CSMD1: variants seen among roughly 807,000 people sequenced by gnomAD.
CSMD1 encodes the protein CUB and sushi domain-containing protein 1.
CSMD1 carries 213 observed loss-of-function variants against 417.5 expected under a neutral mutation model. That is an observed-to-expected ratio of 0.51 (90% CI 0.46 to 0.57). CSMD1 has a LOEUF of 0.57. Ranked by LOEUF, CSMD1 falls within the 20% of genes least tolerant of loss-of-function variation. The probability of loss-of-function intolerance (pLI) is 0.00; values close to 1 mark genes in which losing one functional copy is unlikely to be tolerated. For missense variants in CSMD1, 6,923 were observed against 4,529.7 expected, an observed-to-expected ratio of 1.53 and a Z score of -15.17; for synonymous variants, 2,862 against 1,736.8, an observed-to-expected ratio of 1.65 and a Z score of -16.11.
intron 3 of CSMD1, among the ~76,000 whole-genome samples, chr8:4,369,913 T>C (rs1315847263): frequency 2.6e-5 from 4 of 152,190 alleles, no homozygotes; most frequent in African/African-American, 9.6e-5. Flanking sequence ...AAATGTATTT[T>C]ATGCATTTAA....
chr8:3,296,693 G>C (rs779405292), intron 25 of CSMD1, among the ~76,000 whole-genome samples: 2 of 152,280 alleles, frequency 1.3e-5, no homozygotes, highest in African/African-American at 2.4e-5. Flanking sequence ...TTTGAAGGGA[G>C]AGAAAACAGG....
intron 6 of CSMD1, among the ~76,000 whole-genome samples, chr8:3,736,106 T>G (rs1371162205): frequency 6.6e-6 from 1 of 152,224 alleles, no homozygotes; most frequent in African/African-American, 2.4e-5. Context: ...CACTGTTGTA[T>G]GCAGTTTACA....
chr8:3,574,860 G>T, intron 10 of CSMD1, 85 bp downstream of exon 10: 1 of 1,444,568 alleles, frequency 6.9e-7, no homozygotes, highest in Non-Finnish European at 9.4e-7. Context: ...AGCACGGATA[G>T]CATTTGCTGG....
rs76810235 is a variant in CSMD1 at position 4,383,103 on chromosome 8, T to C, written c.415+36850A>G. Among the ~76,000 whole-genome samples, 561 of 152,290 alleles carry C rather than the reference T, an allele frequency of 3.7e-3. 25 individuals are homozygous for C. In the East Asian group the frequency reaches 0.095, roughly 26 times the overall value. ...GATTAAGCAATGCTATCATCCTCTA[T>C]TATGGGCTTTCCTGTGTATTAAACT... is the stretch of plus-strand genomic sequence containing the variant. On this transcript the variant is annotated intron_variant, in intron 3 of 69. Coordinates refer to ENST00000635120, the MANE Select transcript of CSMD1 (RefSeq NM_033225.6).
chr8:4,484,622 A>G (rs1801272307), intron 2 of CSMD1, among the ~76,000 whole-genome samples: 1 of 152,006 alleles, frequency 6.6e-6, no homozygotes, highest in African/African-American at 2.4e-5. Context: ...CTGCTCTATG[A>G]GAGGGAAAGT....
At chr8:3,566,849 C>G (rs1375465521) in intron 10 of CSMD1, among the ~76,000 whole-genome samples, 1 of 152,106 alleles carries the variant, frequency 6.6e-6, no homozygotes, top group Non-Finnish European at 1.5e-5. Context: ...ACTAGGTTAA[C>G]CTTTGTGGAA....
intron 3 of CSMD1, among the ~76,000 whole-genome samples, chr8:4,151,379 G>A (rs575733627): frequency 6.6e-6 from 1 of 152,150 alleles, no homozygotes. Flanking sequence ...TCAGTTTCTA[G>A]ATCCTGCTGA....
chr8:2,947,589 T>C (rs574217151), intron 68 of CSMD1, among the ~76,000 whole-genome samples: 4 of 152,216 alleles, frequency 2.6e-5, no homozygotes, highest in Non-Finnish European at 4.4e-5. Flanking sequence ...AAACGTGTAA[T>C]AGCAAACTGA....
Position 3,998,058 on chromosome 8 carries a change from G to T in CSMD1, c.663C>A (p.Ser221Arg). The T allele has an allele frequency of 6.3e-7, 1 of 1,596,384 alleles. No individual in the cohort carries two copies. Among genetic ancestry groups the T allele is most frequent in the Non-Finnish European group, 8.5e-7 (1 of 1,170,818 alleles). Residue 221 changes from serine (S) to arginine (R), a missense_variant, in exon 5 of 70, where the codon AGC (serine) becomes AGA (arginine). Coordinates refer to ENST00000635120, the MANE Select transcript of CSMD1 (RefSeq NM_033225.6). ...TLRGTSSSIS[S>R]PHFPSEYENN... is the part of the protein sequence containing the mutation. ...TCTCGTACTCTGAAGGGAAGTGCGG[G>T]CTGGAGATGGAGCTGCTGGTCCCGC...
intron 23 of CSMD1, among the ~76,000 whole-genome samples, chr8:3,309,278 C>T (rs918075192): frequency 1.3e-5 from 2 of 151,748 alleles, no homozygotes; most frequent in Non-Finnish European, 2.9e-5. Flanking sequence ...CGCCCACCTT[C>T]CCGACAACTT....
intron 3 of CSMD1, among the ~76,000 whole-genome samples, chr8:4,036,088 G>A (rs927008285): frequency 6.6e-6 from 1 of 152,174 alleles, no homozygotes; most frequent in Non-Finnish European, 1.5e-5. Flanking sequence ...GCCACATGCT[G>A]TACAGGTTTG....
At chr8:4,806,803 A>C (rs941173707) in intron 1 of CSMD1, among the ~76,000 whole-genome samples, 3 of 152,128 alleles carry the variant, frequency 2.0e-5, no homozygotes, top group African/African-American at 7.2e-5. Context: ...TTAAATTCTC[A>C]TGCTATGAAT....
At chr8:3,666,494 G>C (rs17066869) in intron 7 of CSMD1, among the ~76,000 whole-genome samples, 4,819 of 152,232 alleles carry the variant, frequency 0.032, 133 homozygotes, top group African/African-American at 0.076. Context: ...ACAGGGCCAG[G>C]ATCTACACAT....
In CSMD1 at chr8:4,226,581, T is replaced by C. The variant is rs764173738; in HGVS notation, c.415+193372A>G. ...ATAAGTTGAAAAAACTAATAACTTATTAAAAGGGCTGTATTTTTCTGCATT... is the reference window on the plus strand; with the variant it reads ...ATAAGTTGAAAAAACTAATAACTTACTAAAAGGGCTGTATTTTTCTGCATT... On this transcript the variant is annotated intron_variant, in intron 3 of 69. Transcript: ENST00000635120. Among the ~76,000 whole-genome samples the C allele has an allele frequency of 1.0e-3, 153 of 152,324 alleles. 2 individuals carry two copies. Among genetic ancestry groups the C allele is most frequent in the Non-Finnish European group, 1.3e-3 (91 of 68,034 alleles).
At chr8:3,702,179 T>C (rs1005974088) in intron 7 of CSMD1, 10 of 152,210 alleles carry the variant, frequency 6.6e-5, no homozygotes, top group African/African-American at 2.2e-4. Flanking sequence ...TTTTATTAAA[T>C]AATGGTTCTG....
At chr8:3,805,076 A>G (rs1800653643) in intron 5 of CSMD1, among the ~76,000 whole-genome samples, 1 of 147,384 alleles carries the variant, frequency 6.8e-6, no homozygotes, top group Admixed American at 6.9e-5. Context: ...GAATTAGAAT[A>G]ACAGATACTA....
chr8:4,108,572 C>G (rs1801689953), intron 3 of CSMD1, among the ~76,000 whole-genome samples: 2 of 152,158 alleles, frequency 1.3e-5, no homozygotes, highest in Admixed American at 6.5e-5. Context: ...CACTGATATG[C>G]CATCCCTTTA....
chr8:4,980,571 G>C (rs1381161184), intron 1 of CSMD1, among the ~76,000 whole-genome samples: 6 of 152,194 alleles, frequency 3.9e-5, no homozygotes, highest in Admixed American at 3.9e-4. Flanking sequence ...ATAAATGAGA[G>C]ACTTGAATTT....
intron 5 of CSMD1, among the ~76,000 whole-genome samples, chr8:3,760,595 A>G (rs7826540): frequency 0.11 from 16,391 of 152,270 alleles, 1,859 homozygotes; most frequent in African/African-American, 0.29. Flanking sequence ...AGCACTCTGT[A>G]TGTATGACTC....
Sources: allele counts gnomAD v4.1 joint callset (sites outside exome capture counted in the v4.1 genomes callset), GRCh38; gene constraint gnomAD v4.1.1; transcripts MANE v1.5; gene names NCBI Gene and HGNC (gene_info 2026-07-23, HGNC 2026-07-21).